MORN1: variants seen among roughly 807,000 people sequenced by gnomAD.
MORN1 encodes the protein MORN repeat-containing protein 1.
A neutral mutation model predicts 61.9 loss-of-function variants in MORN1; 67 were observed. The ratio of observed to expected loss-of-function variants is 1.08; its 90% CI spans 0.89 to 1.33. The LOEUF is 1.33. MORN1 is among the 40% of genes most tolerant of loss of function. MORN1 has a pLI of 0.00. For missense variants in MORN1, 752 were observed against 691.2 expected (o/e 1.09, Z -0.99); for synonymous variants, 301 against 292.0 (o/e 1.03, Z -0.31).
intron 2 of MORN1, among the ~76,000 whole-genome samples, chr1:2,389,295 G>A (rs1642586653): frequency 6.6e-6 from 1 of 152,226 alleles, no homozygotes; most frequent in Non-Finnish European, 1.5e-5. Flanking sequence ...TTGAGACGGA[G>A]TCTCAGTCTG....
chr1:2,332,488 C>T (rs556549661), intron 12 of MORN1: 102 of 396,458 alleles, frequency 2.6e-4, no homozygotes, highest in African/African-American at 9.2e-4. Context: ...TTGTCCCCCT[C>T]GGCAGTTCTG....
chr1:2,389,204 C>T (rs564619772), intron 2 of MORN1, among the ~76,000 whole-genome samples: 80 of 152,316 alleles, frequency 5.3e-4, no homozygotes, highest in African/African-American at 1.8e-3. Flanking sequence ...ACGTCCACAC[C>T]ACCAAAGGTT....
intron 12 of MORN1, among the ~76,000 whole-genome samples, chr1:2,332,946 C>T (rs1237666452): frequency 6.6e-6 from 1 of 152,162 alleles, no homozygotes; most frequent in South Asian, 2.1e-4. Context: ...CACCAGGCTG[C>T]CTACGAGGAT....
chr1:2,366,761 C>A (rs572010593), intron 8 of MORN1, among the ~76,000 whole-genome samples: 2 of 152,180 alleles, frequency 1.3e-5, no homozygotes, highest in African/African-American at 4.8e-5. Flanking sequence ...GTCTCAAACT[C>A]CTGACTTCAA....
chr1:2,336,961 G>T (rs1032637851), intron 10 of MORN1, 111 bp from the exon 11 acceptor site: 3 of 1,230,460 alleles, frequency 2.4e-6, no homozygotes, highest in South Asian at 4.9e-5. Flanking sequence ...GGGCACAGAC[G>T]CCAGTCGCGA....
chr1:2,385,550 G>A (rs922336328), intron 5 of MORN1: 1 of 60,486 alleles, frequency 1.7e-5, no homozygotes, highest in South Asian at 5.2e-4. Context: ...TATTTTAATC[G>A]GGGGGGGGGG....
intron 10 of MORN1, among the ~76,000 whole-genome samples, chr1:2,355,914 A>C (rs557010901): frequency 6.2e-4 from 95 of 152,178 alleles, no homozygotes. Flanking sequence ...GATGTGAGGG[A>C]GGCTTTGGGG....
At chr1:2,382,762 G>A (rs1450950385) in intron 6 of MORN1, among the ~76,000 whole-genome samples, 2 of 152,096 alleles carry the variant, frequency 1.3e-5, no homozygotes, top group Non-Finnish European at 1.5e-5. Flanking sequence ...GTGAGAACCC[G>A]CAGCACCAGC....
chr1:2,333,754 C>A (rs1481506070), intron 12 of MORN1, among the ~76,000 whole-genome samples: 1 of 152,230 alleles, frequency 6.6e-6, no homozygotes, highest in Non-Finnish European at 1.5e-5. Context: ...TGCCTGCCGA[C>A]AGTGAGCCCT....
At chr1:2,361,214 A>G (rs6674705) in intron 8 of MORN1, among the ~76,000 whole-genome samples, 2 of 152,334 alleles carry the variant, frequency 1.3e-5, no homozygotes, top group South Asian at 2.1e-4. Context: ...CATGGTGATC[A>G]TAACTGTATT....
chr1:2,331,022 G>T (rs1641137195), intron 12 of MORN1, among the ~76,000 whole-genome samples: 1 of 152,208 alleles, frequency 6.6e-6, no homozygotes, highest in African/African-American at 2.4e-5. Flanking sequence ...GCAGCCAGAG[G>T]CCCTCTCAGA....
chr1:2,327,482 A>G (rs1288364328), intron 12 of MORN1, among the ~76,000 whole-genome samples: 4 of 147,632 alleles, frequency 2.7e-5, no homozygotes, highest in African/African-American at 5.3e-5. Context: ...AGAAACACAC[A>G]GAAACAGAAA....
chr1:2,325,288 C>T (rs1219411281), intron 12 of MORN1, among the ~76,000 whole-genome samples: 2 of 43,990 alleles, frequency 4.5e-5, no homozygotes, highest in African/African-American at 1.7e-4. Context: ...TCTCTCTCTC[C>T]TCTCTCTCTC....
chr1:2,327,139 C>T (rs886949235), intron 12 of MORN1, among the ~76,000 whole-genome samples: 1 of 75,470 alleles, frequency 1.3e-5, no homozygotes, highest in African/African-American at 1.1e-4. Context: ...CACAGAAACA[C>T]AGAGACACAG....
In MORN1 at chr1:2,342,872, T is replaced by TTTTATTTTATTTTATTTTATTTTA. The variant is rs1557873782; in HGVS notation, c.1037-6046_1037-6023dup. Among the ~76,000 whole-genome samples the TTTTATTTTATTTTATTTTATTTTA allele has an allele frequency of 4.8e-3, 409 of 85,426 alleles. 1 individual carries two copies. The highest frequency in any genetic ancestry group is 6.2e-3 in the Non-Finnish European group (256 of 41,334). The allele number at this position is 85,426 out of a possible 152,430, so 56.0% of individuals were successfully genotyped here. A position where few individuals can be genotyped will look rare whatever the true frequency, so the allele number is the denominator to read the frequency against. On this transcript the variant is annotated intron_variant, in intron 10 of 13. Coordinates refer to ENST00000378531, the MANE Select transcript of MORN1 (RefSeq NM_024848.3). ...ATTTTATTTTATTTTATTTTATTTA[T>TTTTATTTTATTTTATTTTATTTTA]TTTATTTTATTTTATTTTATTTTAT...
chr1:2,365,064 G>A (rs570109104), intron 8 of MORN1, among the ~76,000 whole-genome samples: 1 of 152,206 alleles, frequency 6.6e-6, no homozygotes, highest in African/African-American at 2.4e-5. Flanking sequence ...GGTGCCATAT[G>A]AACTTTAAAG....
intron 13 of MORN1, 131 bp downstream of exon 13, chr1:2,323,966 C>T (rs1640940135): frequency 7.6e-6 from 11 of 1,455,660 alleles, no homozygotes; most frequent in Non-Finnish European, 1.0e-5. Context: ...TCCCCAGTCC[C>T]CCACCCACTG....
Position 2,372,394 on chromosome 1 carries a change from C to A in MORN1, c.745+87G>T. The A allele has an allele frequency of 1.9e-6, 2 of 1,029,722 alleles. No individual in the cohort carries two copies. The highest frequency in any genetic ancestry group is 2.8e-6 in the Non-Finnish European group (2 of 701,908). The allele number at this position is 1,029,722 out of a possible 1,614,324, so 63.8% of individuals were successfully genotyped here. The stretch of plus-strand genomic sequence containing the variant: ...GCTGTGCCTCAGGAGCCACATGCAA[C>A]ATCTCGTCCGCATCTTCACTGCTTA... On this transcript the variant is annotated intron_variant, in intron 8 of 13. Coordinates refer to ENST00000378531, the MANE Select transcript of MORN1 (RefSeq NM_024848.3). This position sits in a 1 kb window ranked among gnomAD's most constrained non-coding sequence, Gnocchi z 5.4.
chr1:2,335,732 C>T (rs546291824), intron 12 of MORN1, among the ~76,000 whole-genome samples: 3 of 152,136 alleles, frequency 2.0e-5, no homozygotes, highest in South Asian at 2.1e-4. Context: ...GGTCACTCTG[C>T]GAGCAACCCA....
Sources: allele counts gnomAD v4.1 joint callset (sites outside exome capture counted in the v4.1 genomes callset), GRCh38; gene constraint gnomAD v4.1.1; non-coding constraint Gnocchi (gnomAD v3.1); transcripts MANE v1.5; gene names NCBI Gene and HGNC (gene_info 2026-07-23, HGNC 2026-07-21).